Variants in HIP1 observed in about 807,000 individuals in gnomAD.
HIP1 encodes huntingtin-interacting protein 1.
A neutral mutation model predicts 147.6 loss-of-function variants in HIP1; 65 were observed. The ratio of observed to expected loss-of-function variants is 0.44; its 90% confidence interval spans 0.36 to 0.54. The LOEUF (loss-of-function observed/expected upper bound fraction) is 0.54. HIP1 is among the 20% of genes least tolerant of loss of function. HIP1 has a pLI of 0.00. For missense variants in HIP1, 1,061 were observed against 1,299.6 expected, an observed-to-expected ratio of 0.82 and a Z score of 2.82; for synonymous variants, 479 against 504.0, an observed-to-expected ratio of 0.95 and a Z score of 0.67.
intron 29 of HIP1, 145 bp from the exon 30 acceptor site, chr7:75,539,576 T>C: frequency 1.6e-6 from 1 of 616,546 alleles, no homozygotes; most frequent in Non-Finnish European, 2.8e-6. Flanking sequence ...TGTCTTGGCC[T>C]CCCAAAGTGC....
intron 7 of HIP1, among the ~76,000 whole-genome samples, chr7:75,578,495 A>G (rs1227224521): frequency 6.6e-6 from 1 of 152,024 alleles, no homozygotes; most frequent in Non-Finnish European, 1.5e-5. Flanking sequence ...GGGCAACATA[A>G]TGAAGCCTTG....
At chr7:75,608,383 A>G (rs1253874115) in intron 1 of HIP1, among the ~76,000 whole-genome samples, 1 of 152,242 alleles carries the variant, frequency 6.6e-6, no homozygotes, top group African/African-American at 2.4e-5. Context: ...GATACGGTTG[A>G]TGAACATGCA....
intron 30 of HIP1, among the ~76,000 whole-genome samples, chr7:75,539,009 G>A (rs941601332): frequency 2.6e-5 from 4 of 152,106 alleles, no homozygotes; most frequent in African/African-American, 9.7e-5. Context: ...ACTCTCTGCT[G>A]GCCAGAAACT....
intron 1 of HIP1, among the ~76,000 whole-genome samples, chr7:75,688,812 C>T (rs568156602): frequency 6.6e-6 from 1 of 152,194 alleles, no homozygotes; most frequent in Non-Finnish European, 1.5e-5. Flanking sequence ...GTGGCCCCGG[C>T]GTGTCCCTGA....
chr7:75,582,848 T>G lies in HIP1; in HGVS notation c.466-697A>C, dbSNP rs1554498852. Among the ~76,000 whole-genome samples the G allele has an allele frequency of 2.0e-5, 3 of 152,110 alleles. No homozygotes were observed. In the East Asian group the frequency reaches 5.8e-4, roughly 29 times the overall value. ...AAAAAAAAATCCCCATTGCAGACTTTGCTCCTGGGCTCCATGGTGCCAAGG... is the reference window on the plus strand; with the variant it reads ...AAAAAAAAATCCCCATTGCAGACTTGGCTCCTGGGCTCCATGGTGCCAAGG... On this transcript the variant is annotated intron_variant, in intron 5 of 30. Transcript: ENST00000336926.
chr7:75,572,491 C>T (rs781920019), intron 8 of HIP1, among the ~76,000 whole-genome samples: 15 of 152,286 alleles, frequency 9.8e-5, no homozygotes, highest in Non-Finnish European at 1.6e-4. Flanking sequence ...GTAGGATGCA[C>T]GACATACTTG....
intron 1 of HIP1, among the ~76,000 whole-genome samples, chr7:75,635,297 C>G (rs748481043): frequency 4.6e-4 from 70 of 152,060 alleles, no homozygotes; most frequent in Non-Finnish European, 5.4e-4. Flanking sequence ...GAGAATTAGC[C>G]CCAAGAGCTG....
At chr7:75,617,410 T>C (rs1489348902) in intron 1 of HIP1, among the ~76,000 whole-genome samples, 1 of 151,720 alleles carries the variant, frequency 6.6e-6, no homozygotes, top group Non-Finnish European at 1.5e-5. Flanking sequence ...GAGGTGAGGA[T>C]CTCCCTGTGT....
At chr7:75,722,971 C>T (rs1801543412) in intron 1 of HIP1, among the ~76,000 whole-genome samples, 2 of 152,162 alleles carry the variant, frequency 1.3e-5, no homozygotes, top group South Asian at 4.1e-4. Context: ...TCCTGTAGGT[C>T]TGAAAGGGTG....
At chr7:75,612,001 T>G in intron 1 of HIP1, 1 of 373,030 alleles carries the variant, frequency 2.7e-6, no homozygotes, top group Non-Finnish European at 3.7e-6. Flanking sequence ...GGGCCTGGCC[T>G]GTGGGCCCAG....
rs1277753425 is a variant in HIP1, at chr7:75,533,320, T to C, written c.*4852A>G. ...CCATTGCCAGGCGGAAATATTTATT[T>C]GAAAAATTGAAAACACAGATGCAAT... On this transcript the variant is annotated 3_prime_UTR_variant, in exon 31 of 31. Coordinates refer to ENST00000336926, the MANE Select transcript of HIP1 (RefSeq NM_005338.7). 4.8e-6 allele frequency: 1 copy of C among 209,976 alleles called. No homozygotes were observed. Among genetic ancestry groups the C allele is most frequent in the African/African-American group, 2.3e-5 (1 of 43,950 alleles). The allele number at this position is 209,976 out of a possible 1,614,324, so 13.0% of individuals were successfully genotyped here.
At chr7:75,715,215 C>T (rs149401898) in intron 1 of HIP1, among the ~76,000 whole-genome samples, 1 of 151,270 alleles carries the variant, frequency 6.6e-6, no homozygotes. Flanking sequence ...CACAGCGAGA[C>T]CCTATCTCTG....
At chr7:75,653,843 C>T (rs568526651) in intron 1 of HIP1, among the ~76,000 whole-genome samples, 3 of 152,100 alleles carry the variant, frequency 2.0e-5, no homozygotes, top group Non-Finnish European at 4.4e-5. Flanking sequence ...CCCTGCCTCC[C>T]GAGCTGTGCC....
At chr7:75,686,333 G>A (rs150083099) in intron 1 of HIP1, among the ~76,000 whole-genome samples, 4,435 of 152,102 alleles carry the variant, frequency 0.029, 83 homozygotes, top group Non-Finnish European at 0.044. Flanking sequence ...ATATTCTCTC[G>A]TATTTTTTTT....
At chr7:75,729,126 A>T (rs1432144632) in intron 1 of HIP1, among the ~76,000 whole-genome samples, 1 of 150,422 alleles carries the variant, frequency 6.6e-6, no homozygotes, top group Non-Finnish European at 1.5e-5. Context: ...AAAAACCAAA[A>T]TTCTAACAAG....
At chr7:75,637,933 C>T (rs868914563) in intron 1 of HIP1, among the ~76,000 whole-genome samples, 36 of 146,862 alleles carry the variant, frequency 2.5e-4, no homozygotes, top group Non-Finnish European at 3.7e-4. Context: ...AAGATAAACT[C>T]AAATTCTAGT....
intron 1 of HIP1, among the ~76,000 whole-genome samples, chr7:75,629,769 C>T (rs1407671277): frequency 5.3e-5 from 8 of 152,114 alleles, no homozygotes; most frequent in African/African-American, 1.7e-4. Context: ...CTCAAACTCC[C>T]GACCTCAGGT....
intron 9 of HIP1, among the ~76,000 whole-genome samples, chr7:75,567,096 A>G (rs1378822195): frequency 6.6e-6 from 1 of 151,190 alleles, no homozygotes; most frequent in Non-Finnish European, 1.5e-5. Flanking sequence ...TGGGTGACAG[A>G]GCGAGACTCT....
chr7:75,650,528 T>C (rs782117474), intron 1 of HIP1, among the ~76,000 whole-genome samples: 1 of 150,634 alleles, frequency 6.6e-6, no homozygotes, highest in Non-Finnish European at 1.5e-5. Flanking sequence ...TCTTGGCTCA[T>C]TGAAACCTCT....
Sources: gnomAD v4.1 joint callset for allele counts (sites outside exome capture counted in the v4.1 genomes callset) on GRCh38, gnomAD v4.1.1 for gene constraint, MANE v1.5 for transcripts, NCBI Gene and HGNC (gene_info 2026-07-23, HGNC 2026-07-21) for gene names.